Variants in DHODH observed in about 807,000 individuals in gnomAD.
DHODH encodes dihydroorotate dehydrogenase (quinone).
In DHODH, 30 loss-of-function variants were observed where a neutral mutation model predicts 39.7. The observed-to-expected ratio is 0.76, with a 90% CI of 0.57 to 1.02. The LOEUF (loss-of-function observed/expected upper bound fraction) is 1.02, where lower values mean the gene tolerates loss of function less well. Among genes scored for constraint, DHODH ranks in the 50% least tolerant of loss-of-function variants. The pLI, the probability that DHODH is intolerant of heterozygous loss-of-function variation, is 0.00. For synonymous variants in DHODH, 222 were observed against 213.8 expected, an observed-to-expected ratio of 1.04 and a Z score of -0.34; for missense variants, 531 against 520.8, an observed-to-expected ratio of 1.02 and a Z score of -0.19.
chr16:72,014,761 C>A, intron 3 of DHODH, 89 bp downstream of exon 3: 3 of 1,298,250 alleles, frequency 2.3e-6, no homozygotes, highest in South Asian at 2.5e-5. Flanking sequence ...TTTTTTTTCT[C>A]TCATACAATG....
At chr16:72,017,866 C>T (rs577214868) in intron 4 of DHODH, among the ~76,000 whole-genome samples, 9 of 148,698 alleles carry the variant, frequency 6.1e-5, no homozygotes, top group Admixed American at 2.7e-4. Context: ...CTGCTTCCCG[C>T]GTTCTCACTA....
In DHODH at chr16:72,021,179, G is replaced by A. The variant is rs148523165; in HGVS notation, c.573G>A (p.Ala191=). 18,356 of 1,609,634 alleles carry A rather than the reference G, an allele frequency of 0.011. 144 individuals carry two copies. Among genetic ancestry groups the A allele is most frequent in the Non-Finnish European group, 0.014 (16,263 of 1,178,100 alleles). ...AGAACAAGACCTCAGTGGACGCCGC[G>A]GAGGACTACGCAGAAGGGGTGCGCG... The part of the protein sequence containing the change: ...LGKNKTSVDA[A]EDYAEGVRVL... The change falls in exon 5 of 9, where the codon GCG becomes GCA. Residue 191 remains alanine (A), a synonymous_variant. Transcript: ENST00000219240.
intron 3 of DHODH, chr16:72,016,385 G>C (rs1185831269): frequency 6.3e-6 from 1 of 158,702 alleles, no homozygotes; most frequent in African/African-American, 2.4e-5. Flanking sequence ...ATGAAAGAGA[G>C]ATGAGGCTCC....
At position 72,012,163 on chromosome 16, in the gene DHODH, G is replaced by A. The variant is rs1392823168; in HGVS notation, c.135G>A (p.Leu45=). The part of the protein sequence containing the change: ...RFYAEHLMPT[L]QGLLDPESAH... ...ATGCTGAACACCTGATGCCGACTCT[G>A]CAGGGGCTGCTGGACCCGGAGTCAG... The change falls in exon 2 of 9, where the codon CTG becomes CTA. Residue 45 remains leucine, a synonymous_variant. Transcript: ENST00000219240. 2 of 1,614,142 alleles carry A rather than the reference G, an allele frequency of 1.2e-6. No homozygotes were observed. The highest frequency in any genetic ancestry group is 1.1e-5 in the South Asian group (1 of 91,086).
rs61757214 is a variant in DHODH, at chr16:72,022,421, C to G, written c.765C>G (p.Ile255Met). The change falls in exon 6 of 9, where the codon ATC becomes ATG. Residue 255 changes from isoleucine to methionine, a missense_variant. By Grantham distance (10) the Ile-to-Met change is conservative. Coordinates refer to ENST00000219240, the MANE Select transcript of DHODH (RefSeq NM_001361.5). Reference sequence around the variant, plus strand: ...ACAGGCCGGCAGTCCTGGTGAAGATCGCTCCTGACCTCACCAGCCAGGATA... The same window carrying G: ...ACAGGCCGGCAGTCCTGGTGAAGATGGCTCCTGACCTCACCAGCCAGGATA... ...RVHRPAVLVK[I>M]APDLTSQDKE... The G allele has an allele frequency of 1.1e-5, 17 of 1,557,894 alleles. No individual in the cohort carries two copies. Among genetic ancestry groups the G allele is most frequent in the Non-Finnish European group, 1.5e-5 (17 of 1,150,628 alleles).
In DHODH at chr16:72,020,353, ATGTG is replaced by A. The variant is rs1207092180; in HGVS notation, c.518-769_518-766del. The A allele has an allele frequency of 1.8e-3, 192 of 109,356 alleles. 1 individual carries two copies. Among genetic ancestry groups the A allele is most frequent in the African/African-American group, 3.9e-3 (95 of 24,532 alleles). The allele number at this position is 109,356 out of a possible 1,614,324, so 6.8% of individuals were successfully genotyped here. A position where few individuals can be genotyped will look rare whatever the true frequency, so the allele number is the denominator to read the frequency against. On this transcript the variant is annotated intron_variant, in intron 4 of 8. Coordinates refer to ENST00000219240, the MANE Select transcript of DHODH (RefSeq NM_001361.5). The stretch of plus-strand genomic sequence containing the variant: ...TGTATATATATATATATATATATAT[ATGTG>A]TATATATATATATATTTTTTTTTTT...
intron 1 of DHODH, among the ~76,000 whole-genome samples, chr16:72,009,705 C>T (rs952376922): frequency 6.6e-6 from 1 of 151,680 alleles, no homozygotes; most frequent in Admixed American, 6.6e-5. Context: ...ACCTCCGCCT[C>T]CCGGGTTCAA....
In DHODH at chr16:72,021,176, C is replaced by G; in HGVS notation, c.570C>G (p.Ala190=). The change falls in exon 5 of 9, where the codon GCC becomes GCG. Residue 190 remains alanine, a synonymous_variant. Transcript: ENST00000219240. ...NLGKNKTSVD[A]AEDYAEGVRV... The stretch of plus-strand genomic sequence containing the variant: ...GGAAGAACAAGACCTCAGTGGACGC[C>G]GCGGAGGACTACGCAGAAGGGGTGC... 1 of 1,609,536 alleles carries G rather than the reference C, an allele frequency of 6.2e-7. No individual in the cohort carries two copies. The highest frequency in any genetic ancestry group is 8.5e-7 in the Non-Finnish European group (1 of 1,177,968).
At chr16:72,018,144 A>G (rs1224738076) in intron 4 of DHODH, among the ~76,000 whole-genome samples, 1 of 152,142 alleles carries the variant, frequency 6.6e-6, no homozygotes, top group African/African-American at 2.4e-5. Flanking sequence ...ACTTGCTCTC[A>G]GGATGCACTT....
chr16:72,023,586 G>A lies in DHODH; in HGVS notation c.1086G>A (p.Gly362=). 1 of 1,614,098 alleles carries A rather than the reference G, an allele frequency of 6.2e-7. No individual in the cohort carries two copies. Among genetic ancestry groups the A allele is most frequent in the Non-Finnish European group, 8.5e-7 (1 of 1,180,036 alleles). ...VQLYTALTFW[G]PPVVGKVKRE... ...TGTACACGGCCCTCACCTTCTGGGG[G>A]CCACCCGTTGTGGGCAAAGTCAAGC... Residue 362 remains glycine, a synonymous_variant, in exon 8 of 9, where the codon GGG becomes GGA. Transcript: ENST00000219240.
At position 72,012,091 on chromosome 16, in the gene DHODH, A is replaced by T. The variant is rs534394027; in HGVS notation, c.63A>T (p.Gly21=). The T allele has an allele frequency of 3.1e-6, 5 of 1,613,928 alleles. No individual in the cohort carries two copies. Among genetic ancestry groups the T allele is most frequent in the Non-Finnish European group, 4.2e-6 (5 of 1,179,960 alleles). ...QDAVIILGGG[G]LLFASYLMAT... Reference sequence around the variant, plus strand: ...CTGTGATCATCCTGGGGGGAGGAGGACTTCTCTTCGCCTCCTACCTGATGG... The same window carrying T: ...CTGTGATCATCCTGGGGGGAGGAGGTCTTCTCTTCGCCTCCTACCTGATGG... The change falls in exon 2 of 9, where the codon GGA becomes GGT. Residue 21 remains glycine (G), a synonymous_variant. Transcript: ENST00000219240.
At chr16:72,021,775 G>C (rs2041220271) in intron 5 of DHODH, among the ~76,000 whole-genome samples, 1 of 152,152 alleles carries the variant, frequency 6.6e-6, no homozygotes, top group Non-Finnish European at 1.5e-5. Context: ...ACCAGCCTGG[G>C]CAAAAGAGCA....
intron 2 of DHODH, 22 bp from the exon 3 acceptor site, chr16:72,014,451 G>C (rs979142398): frequency 1.2e-6 from 2 of 1,611,956 alleles, no homozygotes; most frequent in Non-Finnish European, 1.7e-6. Flanking sequence ...GCGTGCCTCT[G>C]ACTTTGTCTT....
chr16:72,017,133 T>G, intron 4 of DHODH, 27 bp downstream of exon 4: 1 of 1,606,560 alleles, frequency 6.2e-7, no homozygotes, highest in East Asian at 2.2e-5. Flanking sequence ...TCAGTGGGCC[T>G]TTCTTATTTA....
chr16:72,019,538 G>A (rs944857778), intron 4 of DHODH, among the ~76,000 whole-genome samples: 3 of 152,182 alleles, frequency 2.0e-5, no homozygotes, highest in East Asian at 1.9e-4. Flanking sequence ...GAGACAACCC[G>A]TTTCTTTTAC....
At position 72,022,352 on chromosome 16, in the gene DHODH, GT is replaced by G. The variant is rs1384286752; in HGVS notation, c.706-9del. ...GCGGGGTCCCCAGCTCTGGCCGTGT[GT>G]CGCCCTAGGTGCTGCAGGAGAGGGA... On this transcript the variant is annotated splice_polypyrimidine_tract_variant and intron_variant, in intron 5 of 8. Transcript: ENST00000219240. 3 of 1,550,210 alleles carry G rather than the reference GT, an allele frequency of 1.9e-6. No individual in the cohort carries two copies. Among genetic ancestry groups the G allele is most frequent in the Non-Finnish European group, 2.6e-6 (3 of 1,146,654 alleles).
At chr16:72,021,675 A>G (rs2041219023) in intron 5 of DHODH, among the ~76,000 whole-genome samples, 1 of 152,198 alleles carries the variant, frequency 6.6e-6, no homozygotes, top group Non-Finnish European at 1.5e-5. Context: ...ATAAAAGTCT[A>G]AAAAACGTTG....
chr16:72,024,733 CGAGGCGGGCGGATCACCT>C lies in DHODH; in HGVS notation c.*540_*557del, dbSNP rs1338255019. The C allele has an allele frequency of 4.5e-5, 7 of 155,876 alleles. No individual in the cohort carries two copies. The East Asian group carries it at 1.3e-3, about 29-fold the overall frequency. 9.7% of individuals were successfully genotyped at this position (155,876 alleles called of 1,614,324 possible). A position where few individuals can be genotyped will look rare whatever the true frequency, so the allele number is the denominator to read the frequency against. On this transcript the variant is annotated 3_prime_UTR_variant, in exon 9 of 9. Transcript: ENST00000219240. ...CTGTAATCCCAGCACTTTGGGAGGC[CGAGGCGGGCGGATCACCT>C]GAGGCCAGGAGTTGGAGACCAGCCA...
chr16:72,016,377 G>C (rs1261611346), intron 3 of DHODH: 1 of 158,396 alleles, frequency 6.3e-6, no homozygotes, highest in Non-Finnish European at 1.4e-5. Flanking sequence ...ATACAGGGAT[G>C]AAAGAGAGAT....
Sources: gnomAD v4.1 joint callset for allele counts (sites outside exome capture counted in the v4.1 genomes callset) on GRCh38, gnomAD v4.1.1 for gene constraint, MANE v1.5 for transcripts, NCBI Gene and HGNC (gene_info 2026-07-23, HGNC 2026-07-21) for gene names.